The following OBSL1 variants were observed in gnomAD, a reference collection of about 807,000 sequenced individuals.
OBSL1 encodes the protein obscurin like cytoskeletal adaptor 1, also known as obscurin-like protein 1.
Under a neutral mutation model 172.0 loss-of-function variants are expected in OBSL1, and 160 were observed. That is an observed-to-expected ratio of 0.93 (90% CI 0.82 to 1.06). OBSL1 has a LOEUF of 1.06. Ranked by LOEUF, OBSL1 falls within the 50% of genes least tolerant of loss-of-function variation. The pLI is 0.00. For missense variants in OBSL1, 2,681 were observed against 2,715.4 expected, an observed-to-expected ratio of 0.99 and a Z score of 0.28; for synonymous variants, 1,200 against 1,196.3, an observed-to-expected ratio of 1.00 and a Z score of -0.06.
intron 12 of OBSL1, chr2:219,557,097 G>A: frequency 2.0e-6 from 1 of 496,534 alleles, no homozygotes; most frequent in Non-Finnish European, 3.5e-6. Context: ...CTGGGGCACA[G>A]AATCTAGGCT....
Position 219,552,150 on chromosome 2 carries a change from G to T in OBSL1, c.5375C>A (p.Ala1792Glu), listed in dbSNP as rs1226083631. Residue 1792 changes from alanine (A) to glutamate (E), a missense_variant, in exon 19 of 21, where the codon GCG becomes GAG. Ala to Glu is a moderately radical substitution (Grantham distance 107). This residue lies in a region of OBSL1 where 1,765 missense variants were observed against 1,748.3 expected (regional missense o/e 1.01). Coordinates refer to ENST00000404537, the MANE Select transcript of OBSL1 (RefSeq NM_015311.3). ...TAGAGCCAGGGACTGGGCGGGCCCC[G>T]CCTGGAAGCGGACTTCACCGGCGTC... The part of the protein sequence containing the change: ...AEDAGEVRFQ[A>E]GPAQSLALLE... 1 of 1,611,866 alleles carries T rather than the reference G, an allele frequency of 6.2e-7. No individual in the cohort carries two copies. The highest frequency in any genetic ancestry group is 8.5e-7 in the Non-Finnish European group (1 of 1,179,376).
rs769011300 is a variant in OBSL1, at chr2:219,554,748, G to C, written c.4610-8C>G. The stretch of plus-strand genomic sequence containing the variant: ...GCACCCTCAGCTGCCTCGCTGGCCG[G>C]GGGAGATGGAGAGAGGGAGGATGAG... On this transcript the variant is annotated splice_polypyrimidine_tract_variant and splice_region_variant and intron_variant, in intron 14 of 20. Transcript: ENST00000404537. 1 of 1,536,966 alleles carries C rather than the reference G, an allele frequency of 6.5e-7. No homozygotes were observed. Among genetic ancestry groups the C allele is most frequent in the South Asian group, 1.2e-5 (1 of 82,260 alleles).
intron 14 of OBSL1, chr2:219,555,276 CAG>C (rs1433649605): frequency 2.6e-5 from 4 of 154,114 alleles, no homozygotes; most frequent in Non-Finnish European, 5.8e-5. Flanking sequence ...TTAATGTTCC[CAG>C]AGACACTTGA....
Position 219,566,861 on chromosome 2 carries a change from G to T in OBSL1, c.2103C>A (p.Gly701=). 6.3e-7 allele frequency: 1 copy of T among 1,597,296 alleles called. No individual in the cohort carries two copies. Among genetic ancestry groups the T allele is most frequent in the Non-Finnish European group, 8.6e-7 (1 of 1,166,560 alleles). The change falls in exon 5 of 21, where the codon GGC becomes GGA. Residue 701 remains glycine, a synonymous_variant. Transcript: ENST00000404537. ...TTGTGAGGGCAGCTGAGTCCTGCACGCCGGGGCAGCTGAAGCCGACCAGGG... is the reference window on the plus strand; with the variant it reads ...TTGTGAGGGCAGCTGAGTCCTGCACTCCGGGGCAGCTGAAGCCGACCAGGG... The part of the protein sequence containing the change: ...SGALVGFSCP[G]VQDSAALTIQ...
intron 6 of OBSL1, among the ~76,000 whole-genome samples, chr2:219,564,866 A>C (rs1461123508): frequency 6.6e-6 from 1 of 152,200 alleles, no homozygotes; most frequent in Non-Finnish European, 1.5e-5. Flanking sequence ...ATTTGAGGTC[A>C]GGGGTGACCT....
At position 219,558,055 on chromosome 2, in the gene OBSL1, G is replaced by A. The variant is rs1387793850; in HGVS notation, c.3558C>T (p.Ala1186=). ...LETTPSPLCV[A]PGEPVVLSCE... is the part of the protein sequence containing the mutation. ...AGCTCAGCACCACTGGCTCCCCAGG[G>A]GCCACACAGAGCGGGCTTGGAGTTG... The change falls in exon 11 of 21, where the codon GCC becomes GCT. Residue 1186 remains alanine (A), a synonymous_variant. Coordinates refer to ENST00000404537, the MANE Select transcript of OBSL1 (RefSeq NM_015311.3). 1.9e-6 allele frequency: 3 copies of A among 1,613,668 alleles called. No individual in the cohort carries two copies. The highest frequency in any genetic ancestry group is 3.3e-5 in the Admixed American group (2 of 60,012).
chr2:219,570,552 GT>G lies in OBSL1; in HGVS notation c.680del (p.His227ProfsTer31). The G allele has an allele frequency of 2.1e-5, 33 of 1,593,786 alleles. No individual in the cohort carries two copies. The highest frequency in any genetic ancestry group is 2.8e-5 in the Non-Finnish European group (33 of 1,171,530). The stretch of plus-strand genomic sequence containing the variant: ...CCGCGGGCGGGCTCTCGGGGGGCTG[GT>G]GCACCTGGAGCAGCGCCCCCGCCTG... ...HAQAGALLQV[H>X]QPPESPPADP... is the part of the protein sequence containing the mutation. On this transcript the variant is annotated frameshift_variant, in exon 1 of 21. Transcript: ENST00000404537. LOFTEE classifies it high-confidence loss of function.
chr2:219,568,903 C>T lies in OBSL1; in HGVS notation c.1013-579G>A, dbSNP rs368402133. ...CTGGGATTACAGGCAGGCGCCACCA[C>T]GCCTGGCTAATGATTTTGTATTTTT... is the stretch of plus-strand genomic sequence containing the variant. On this transcript the variant is annotated intron_variant, in intron 1 of 20. Coordinates refer to ENST00000404537, the MANE Select transcript of OBSL1 (RefSeq NM_015311.3). The surrounding 1 kb of genome is among the most constrained non-coding windows in gnomAD (Gnocchi z 4.1). Among the ~76,000 whole-genome samples the T allele has an allele frequency of 4.0e-4, 61 of 151,926 alleles. No individual in the cohort carries two copies. Among genetic ancestry groups the T allele is most frequent in the African/African-American group, 1.3e-3 (53 of 41,466 alleles).
At chr2:219,551,414 T>C (rs1391215341) in intron 20 of OBSL1, 115 bp downstream of exon 20, 9 of 1,307,650 alleles carry the variant, frequency 6.9e-6, no homozygotes, top group Non-Finnish European at 9.2e-6. Context: ...ACCTCCTACG[T>C]ATCCCAGGAC....
At chr2:219,551,973 C>G in intron 19 of OBSL1, 139 bp downstream of exon 19, 1 of 998,294 alleles carries the variant, frequency 1.0e-6, no homozygotes, top group Non-Finnish European at 1.5e-6. Flanking sequence ...GCGCTGCCCT[C>G]TGTGACCCGG....
intron 14 of OBSL1, chr2:219,555,630 G>T (rs1559136366): frequency 9.6e-6 from 10 of 1,036,692 alleles, no homozygotes; most frequent in Non-Finnish European, 1.0e-5. Context: ...CTTGCATGAG[G>T]TCACATAGGA....
At chr2:219,551,896 T>C (rs1161872146) in intron 19 of OBSL1, 98 bp from the exon 20 acceptor site, 31 of 882,438 alleles carry the variant, frequency 3.5e-5, no homozygotes, top group Non-Finnish European at 4.8e-5. Context: ...CTCCTGGCCT[T>C]AGCCCTCTAT....
chr2:219,563,479 G>C lies in OBSL1; in HGVS notation c.2556C>G (p.Phe852Leu). The C allele has an allele frequency of 6.2e-7, 1 of 1,613,920 alleles. No homozygotes were observed. The highest frequency in any genetic ancestry group is 8.5e-7 in the Non-Finnish European group (1 of 1,179,848). Residue 852 changes from phenylalanine to leucine, a missense_variant, in exon 7 of 21, where the codon TTC (phenylalanine) becomes TTG (leucine). Physicochemically the swap from Phe to Leu is conservative, Grantham distance 22. Around this residue, in one of 5 missense-constraint regions of OBSL1, gnomAD observed 1,765 missense variants for 1,748.3 expected, o/e 1.01. Coordinates refer to ENST00000404537, the MANE Select transcript of OBSL1 (RefSeq NM_015311.3). ...GGGGCCCCTCATTCTCCAGCACCAC[G>C]AAGTCACTCTCCTCCACCTCCTGCC... is the stretch of plus-strand genomic sequence containing the variant. ...KDGQEVEESD[F>L]VVLENEGPHR...
chr2:219,556,760 C>A, intron 12 of OBSL1, 37 bp from the exon 13 acceptor site: 1 of 1,537,232 alleles, frequency 6.5e-7, no homozygotes. Context: ...TGGGCTGAGT[C>A]TTTTCTTCTC....
chr2:219,565,467 A>T lies in OBSL1; in HGVS notation c.2182T>A (p.Phe728Ile). Residue 728 changes from phenylalanine (F) to isoleucine (I), a missense_variant, in exon 6 of 21, where the codon TTC becomes ATC. Coordinates refer to ENST00000404537, the MANE Select transcript of OBSL1 (RefSeq NM_015311.3). ...AGCACCACCCGCTCTGAGGTTGTGA[A>T]GGTCAACGACACCCTGTCCTGGGGG... ...LSPQDRVSLT[F>I]TTSERVVLTC... 1.2e-6 allele frequency: 2 copies of T among 1,612,812 alleles called. No individual in the cohort carries two copies. The highest frequency in any genetic ancestry group is 2.2e-5 in the South Asian group (2 of 91,082).
At chr2:219,556,776 T>G in intron 12 of OBSL1, 53 bp from the exon 13 acceptor site, 2 of 1,507,048 alleles carry the variant, frequency 1.3e-6, no homozygotes, top group Non-Finnish European at 1.8e-6. Flanking sequence ...TTCTCTCTCC[T>G]TTTCATCCCC....
rs1697019413 is a variant in OBSL1, at chr2:219,567,738, G to A, written c.1514C>T (p.Thr505Ile). 1 of 1,611,464 alleles carries A rather than the reference G, an allele frequency of 6.2e-7. No individual in the cohort carries two copies. The highest frequency in any genetic ancestry group is 8.5e-7 in the Non-Finnish European group (1 of 1,177,810). The change falls in exon 3 of 21, where the codon ACT (threonine) becomes ATT (isoleucine). Residue 505 changes from threonine to isoleucine, a missense_variant. Around this residue, in one of 5 missense-constraint regions of OBSL1, gnomAD observed 706 missense variants for 695.8 expected, o/e 1.01. Coordinates refer to ENST00000404537, the MANE Select transcript of OBSL1 (RefSeq NM_015311.3). ...VTFSLGNSRTTTLLRVKCVKH... is the reference protein window; with the variant it reads ...VTFSLGNSRTITLLRVKCVKH... ...CTCACATTTTACTCTGAGAAGCGTA[G>A]TGGTACGGGAGTTGCCCAGGCTAAA...
rs368035652 is a variant in OBSL1 at position 219,568,074 on chromosome 2, C to G, written c.1263G>C (p.Val421=). 18 of 1,610,068 alleles carry G rather than the reference C, an allele frequency of 1.1e-5. No homozygotes were observed. The highest frequency in any genetic ancestry group is 1.5e-5 in the Non-Finnish European group (18 of 1,176,874). ...LCEMRGRVRT[V]ANVTVKGPIL... The stretch of plus-strand genomic sequence containing the variant: ...GCTGACCTTTGACTGTGACGTTGGC[C>G]ACGGTGCGCACCCGGCCCCGCATCT... Residue 421 remains valine (V), a synonymous_variant, in exon 2 of 21, where the codon GTG becomes GTC. Transcript: ENST00000404537. This position sits in a 1 kb window ranked among gnomAD's most constrained non-coding sequence, Gnocchi z 4.1.
rs1697294080 is a variant in OBSL1 at position 219,570,795 on chromosome 2, C to G, written c.438G>C (p.Val146=). The change falls in exon 1 of 21, where the codon GTG becomes GTC. Residue 146 remains valine, a synonymous_variant. Transcript: ENST00000404537. ...SQWVLRGAEV[V]LTCRAGGLPE... ...GGAGGCCCCCCGCCCGGCACGTCAG[C>G]ACCACCTCCGCCCCCCGCAGCACCC... 1.3e-6 allele frequency: 2 copies of G among 1,496,496 alleles called. No individual in the cohort carries two copies. The highest frequency in any genetic ancestry group is 5.8e-5 in the East Asian group (2 of 34,462). The allele number at this position is 1,496,496 out of a possible 1,614,324, so 92.7% of individuals were successfully genotyped here.
Sources: allele counts gnomAD v4.1 joint callset (sites outside exome capture counted in the v4.1 genomes callset), GRCh38; gene constraint gnomAD v4.1.1; regional missense constraint gnomAD v4.1.1; non-coding constraint Gnocchi (gnomAD v3.1); transcripts MANE v1.5; gene names NCBI Gene and HGNC (gene_info 2026-07-23, HGNC 2026-07-21).